The following GABRG3 variants were observed in gnomAD, a reference collection of about 807,000 sequenced individuals.
GABRG3 encodes the protein gamma-aminobutyric acid receptor subunit gamma-3.
A neutral mutation model predicts 48.8 loss-of-function variants in GABRG3; 25 were observed. That is an observed-to-expected ratio of 0.51 (90% CI 0.37 to 0.72). GABRG3 has a LOEUF of 0.72. GABRG3 is among the 30% of genes least tolerant of loss of function. The pLI is 0.00. For synonymous variants in GABRG3, 227 were observed against 217.6 expected (o/e 1.04, Z -0.38); for missense variants, 394 against 577.9 (o/e 0.68, Z 3.26).
intron 3 of GABRG3, among the ~76,000 whole-genome samples, chr15:27,181,267 A>T (rs1449492130): frequency 1.3e-5 from 2 of 152,142 alleles, no homozygotes; most frequent in Admixed American, 1.3e-4. Flanking sequence ...TCTCTCATCA[A>T]ACCCCAAAGT....
At chr15:27,074,235 G>A (rs1445447384) in intron 3 of GABRG3, among the ~76,000 whole-genome samples, 2 of 152,174 alleles carry the variant, frequency 1.3e-5, no homozygotes, top group African/African-American at 4.8e-5. Context: ...TTCATGATGA[G>A]ATTTGGGTGA....
chr15:27,126,345 C>T lies in GABRG3; in HGVS notation c.270+99524C>T, dbSNP rs187318473. ...AGCATGTAGGCAGGGGAGGGACTCG[C>T]GATTAGGTCTTGTCTGACTTGGTGA... On this transcript the variant is annotated intron_variant, in intron 3 of 9. Transcript: ENST00000615808. Among the ~76,000 whole-genome samples, 9 of 152,286 alleles carry T rather than the reference C, an allele frequency of 5.9e-5. No homozygotes were observed. The East Asian group carries it at 9.7e-4, about 16-fold the overall frequency.
intron 3 of GABRG3, among the ~76,000 whole-genome samples, chr15:27,315,014 A>C (rs1215505926): frequency 6.6e-6 from 1 of 152,200 alleles, no homozygotes; most frequent in Non-Finnish European, 1.5e-5. Context: ...CAACACTTAA[A>C]AAGTGTATCA....
chr15:27,051,394 T>A (rs1896453292), intron 3 of GABRG3, among the ~76,000 whole-genome samples: 1 of 152,228 alleles, frequency 6.6e-6, no homozygotes, highest in Non-Finnish European at 1.5e-5. Flanking sequence ...GATACACATT[T>A]TGATGAATAG....
At chr15:27,078,154 A>T (rs190684069) in intron 3 of GABRG3, among the ~76,000 whole-genome samples, 167 of 152,174 alleles carry the variant, frequency 1.1e-3, no homozygotes, top group Non-Finnish European at 1.9e-3. Flanking sequence ...TTTTTATATG[A>T]GATTAACAAT....
intron 3 of GABRG3, among the ~76,000 whole-genome samples, chr15:27,123,000 G>A (rs150165538): frequency 1.2e-3 from 177 of 152,280 alleles, no homozygotes; most frequent in Admixed American, 4.9e-3. Flanking sequence ...AGATGGGCCT[G>A]GCTGGCAGTG....
rs1027747836 is a variant in GABRG3, at chr15:26,971,350, CGTGTGCGTCCA to C, written c.-178_-168del. On this transcript the variant is annotated 5_prime_UTR_variant, in exon 1 of 10. Transcript: ENST00000615808. ...GGCGCGCCGCGGTGGCCCGGCGTCC[CGTGTGCGTCCA>C]GTGTGCGCCCCGCGGGGGCGCGGCC... 18 of 359,846 alleles carry C rather than the reference CGTGTGCGTCCA, an allele frequency of 5.0e-5. No homozygotes were observed. The highest frequency in any genetic ancestry group is 1.1e-4 in the African/African-American group (5 of 46,516). The allele number at this position is 359,846 out of a possible 1,614,324, so 22.3% of individuals were successfully genotyped here. A position where few individuals can be genotyped will look rare whatever the true frequency, so the allele number is the denominator to read the frequency against.
intron 5 of GABRG3, among the ~76,000 whole-genome samples, chr15:27,462,705 T>C (rs1889486119): frequency 1.3e-5 from 2 of 152,218 alleles, no homozygotes; most frequent in Admixed American, 6.5e-5. Flanking sequence ...ATACATGGCA[T>C]ACCACAATTT....
Position 27,138,423 on chromosome 15 carries a change from T to G in GABRG3, c.270+111602T>G, listed in dbSNP as rs149297804. ...CATCCTTTCTCATCAAACTCTGTTTTTCCTTGGACTAAAAAATGGGCACTT... is the reference window on the plus strand; with the variant it reads ...CATCCTTTCTCATCAAACTCTGTTTGTCCTTGGACTAAAAAATGGGCACTT... On this transcript the variant is annotated intron_variant, in intron 3 of 9. Transcript: ENST00000615808. Among the ~76,000 whole-genome samples the G allele has an allele frequency of 3.2e-3, 485 of 152,368 alleles. 1 individual carries two copies. Among genetic ancestry groups the G allele is most frequent in the African/African-American group, 0.011 (469 of 41,584 alleles).
intron 3 of GABRG3, among the ~76,000 whole-genome samples, chr15:27,122,079 A>G (rs1897740774): frequency 6.6e-6 from 1 of 152,248 alleles, no homozygotes. Context: ...AAATAATTGT[A>G]CATTTTAAAA....
At chr15:26,977,378 T>C (rs536188157) in intron 2 of GABRG3, among the ~76,000 whole-genome samples, 1 of 152,148 alleles carries the variant, frequency 6.6e-6, no homozygotes, top group African/African-American at 2.4e-5. Flanking sequence ...ACTTATGTAA[T>C]GATCCTTGCA....
intron 8 of GABRG3, 144 bp from the exon 9 acceptor site, chr15:27,527,789 T>C: frequency 1.0e-6 from 1 of 958,374 alleles, no homozygotes; most frequent in Non-Finnish European, 1.6e-6. Flanking sequence ...TCTGAAGATG[T>C]GAATGTGACT....
intron 3 of GABRG3, among the ~76,000 whole-genome samples, chr15:27,265,351 T>G (rs1277546025): frequency 6.6e-6 from 1 of 152,228 alleles, no homozygotes; most frequent in Non-Finnish European, 1.5e-5. Flanking sequence ...TCCTTTGTTC[T>G]AAATACTCTC....
chr15:27,204,585 G>C (rs945698213), intron 3 of GABRG3, among the ~76,000 whole-genome samples: 20 of 152,038 alleles, frequency 1.3e-4, no homozygotes, highest in African/African-American at 4.8e-4. Context: ...AAATGTTATT[G>C]GTAGTTTGAT....
Position 27,311,838 on chromosome 15 carries a change from G to T in GABRG3, c.271-14971G>T, listed in dbSNP as rs142207475. Among the ~76,000 whole-genome samples, 412 of 152,178 alleles carry T rather than the reference G, an allele frequency of 2.7e-3. 2 individuals carry two copies. The highest frequency in any genetic ancestry group is 3.9e-3 in the Non-Finnish European group (266 of 67,998). ...AGAGGCTCCGAAAATCTCTGCTTGG[G>T]CTGATTATAAGGGTCTTTTGTATGA... On this transcript the variant is annotated intron_variant, in intron 3 of 9. Transcript: ENST00000615808.
At chr15:27,201,256 G>C (rs1321141523) in intron 3 of GABRG3, among the ~76,000 whole-genome samples, 1 of 151,790 alleles carries the variant, frequency 6.6e-6, no homozygotes, top group Non-Finnish European at 1.5e-5. Flanking sequence ...GTCAGGGAGA[G>C]AGTTAGACAA....
chr15:27,359,241 A>G (rs867839146), intron 5 of GABRG3, among the ~76,000 whole-genome samples: 28 of 152,338 alleles, frequency 1.8e-4, no homozygotes, highest in African/African-American at 5.3e-4. Context: ...CCTCCCCGCT[A>G]CGGTGGGGAG....
intron 6 of GABRG3, among the ~76,000 whole-genome samples, chr15:27,493,174 C>T (rs1358892156): frequency 1.1e-4 from 17 of 152,074 alleles, no homozygotes. Flanking sequence ...TGCATCTCCA[C>T]CAGTTTTTGT....
At position 27,535,482 on chromosome 15, in the gene GABRG3, C is replaced by A. The variant is rs1212770374; in HGVS notation, c.*2601C>A. ...TTCTCTTCTTCCCAACCTCAGCAGC[C>A]CTCCTGATCAAAACAGATGAGTTCA... On this transcript the variant is annotated 3_prime_UTR_variant, in exon 10 of 10. Transcript: ENST00000615808. The A allele has an allele frequency of 1.3e-5, 2 of 152,160 alleles. No homozygotes were observed. The highest frequency in any genetic ancestry group is 2.9e-5 in the Non-Finnish European group (2 of 68,052). 9.4% of individuals were successfully genotyped at this position (152,160 alleles called of 1,614,324 possible). A position where few individuals can be genotyped will look rare whatever the true frequency, so the allele number is the denominator to read the frequency against.
Sources: allele counts gnomAD v4.1 joint callset (sites outside exome capture counted in the v4.1 genomes callset), GRCh38; gene constraint gnomAD v4.1.1; transcripts MANE v1.5; gene names NCBI Gene and HGNC (gene_info 2026-07-23, HGNC 2026-07-21).